Variants in FMN2 observed in about 807,000 individuals in gnomAD.
FMN2 encodes formin-2.
FMN2 carries 51 observed loss-of-function variants against 142.3 expected under a neutral mutation model. The observed-to-expected ratio is 0.36, with a 90% CI of 0.29 to 0.45. The LOEUF (loss-of-function observed/expected upper bound fraction) is 0.45, where lower values mean the gene tolerates loss of function less well. FMN2 is among the 20% of genes least tolerant of loss of function. The probability of loss-of-function intolerance (pLI) is 1.00; values close to 1 mark genes in which losing one functional copy is unlikely to be tolerated. For missense variants in FMN2, 1,936 were observed against 2,122.8 expected (o/e 0.91, Z 1.73); for synonymous variants, 882 against 869.8 (o/e 1.01, Z -0.25).
At chr1:240,465,619 T>C (rs945954797) in intron 16 of FMN2, among the ~76,000 whole-genome samples, 1 of 152,102 alleles carries the variant, frequency 6.6e-6, no homozygotes, top group Non-Finnish European at 1.5e-5. Context: ...GGAGATTCCA[T>C]AGGCGAACAG....
At chr1:240,289,164 G>A (rs1274759103) in intron 7 of FMN2, among the ~76,000 whole-genome samples, 2 of 152,132 alleles carry the variant, frequency 1.3e-5, no homozygotes, top group Non-Finnish European at 2.9e-5. Flanking sequence ...GGTCACACAG[G>A]AAAGATTAAA....
chr1:240,309,034 G>A (rs1670508349), intron 8 of FMN2, among the ~76,000 whole-genome samples: 1 of 152,140 alleles, frequency 6.6e-6, no homozygotes, highest in Admixed American at 6.5e-5. Flanking sequence ...GTGAGGGTAT[G>A]AGTGTTAGAA....
chr1:240,143,619 G>A, intron 2 of FMN2: 1 of 1,610,064 alleles, frequency 6.2e-7, no homozygotes, highest in Admixed American at 1.7e-5. Flanking sequence ...TGGCAAAACT[G>A]CGGAATGGCT....
At chr1:240,187,143 G>A (rs1665501451) in intron 3 of FMN2, among the ~76,000 whole-genome samples, 1 of 150,346 alleles carries the variant, frequency 6.7e-6, no homozygotes, top group African/African-American at 2.4e-5. Flanking sequence ...GGTGGCGGGT[G>A]CCTATAATCC....
intron 1 of FMN2, among the ~76,000 whole-genome samples, chr1:240,114,593 C>G (rs956391608): frequency 1.3e-5 from 2 of 150,116 alleles, no homozygotes; most frequent in African/African-American, 4.9e-5. Flanking sequence ...ACTTGCTGTT[C>G]TTTAAGTGAA....
In FMN2 at chr1:240,453,886, G is replaced by A. The variant is rs1239991571; in HGVS notation, c.5060+15676G>A. 3.5e-5 allele frequency among the ~76,000 whole-genome samples: 2 copies of A among 57,328 alleles called. 1 individual carries two copies. The highest frequency in any genetic ancestry group is 1.1e-4 in the African/African-American group (2 of 18,948). The allele number at this position is 57,328 out of a possible 152,430, so 37.6% of individuals were successfully genotyped here. A position where few individuals can be genotyped will look rare whatever the true frequency, so the allele number is the denominator to read the frequency against. ...CGCCTGTAGTCCCAGCTACTCGGGA[G>A]GCTGAGGCAGGAGAATGGCGTGAAC... On this transcript the variant is annotated intron_variant, in intron 16 of 17. Coordinates refer to ENST00000319653, the MANE Select transcript of FMN2 (RefSeq NM_020066.5).
intron 15 of FMN2, among the ~76,000 whole-genome samples, chr1:240,409,625 GTCCTTTCCAGTAAC>G (rs1674331188): frequency 6.6e-6 from 1 of 152,122 alleles, no homozygotes; most frequent in African/African-American, 2.4e-5. Context: ...TGTCTTTTCT[GTCCTTTCCAGTAAC>G]ATATACAGGC....
At chr1:240,125,163 C>G (rs1385131242) in intron 2 of FMN2, among the ~76,000 whole-genome samples, 1 of 152,096 alleles carries the variant, frequency 6.6e-6, no homozygotes, top group Non-Finnish European at 1.5e-5. Flanking sequence ...TCTTCTTTAC[C>G]CATTACAGCC....
chr1:240,453,375 A>T (rs1292956651), intron 16 of FMN2, among the ~76,000 whole-genome samples: 2 of 152,240 alleles, frequency 1.3e-5, no homozygotes, highest in Middle Eastern at 3.4e-3. Flanking sequence ...GCAGTTATTT[A>T]ATCTTAGTGA....
chr1:240,135,406 A>G (rs1662895698), intron 2 of FMN2, among the ~76,000 whole-genome samples: 1 of 152,186 alleles, frequency 6.6e-6, no homozygotes, highest in Non-Finnish European at 1.5e-5. Flanking sequence ...TATGAAGTCA[A>G]TTTATTTCAT....
intron 13 of FMN2, among the ~76,000 whole-genome samples, chr1:240,342,995 T>C (rs1671791166): frequency 6.6e-6 from 1 of 152,238 alleles, no homozygotes; most frequent in African/African-American, 2.4e-5. Context: ...ATTTCAAGCA[T>C]GGGAAAGAGC....
rs563308802 is a variant in FMN2 at position 240,129,755 on chromosome 1, G to C, written c.1782+6410G>C. 3.3e-5 allele frequency among the ~76,000 whole-genome samples: 5 copies of C among 152,090 alleles called. No homozygotes were observed. In the East Asian group the frequency reaches 7.8e-4, roughly 24 times the overall value. On this transcript the variant is annotated intron_variant, in intron 2 of 17. Transcript: ENST00000319653. ...TGACCTCAAGTGATCCACCCCCTCA[G>C]CCTCCCAAAGTGCTGGAATTACAGG...
intron 8 of FMN2, among the ~76,000 whole-genome samples, chr1:240,314,607 A>T (rs12091483): frequency 0.014 from 2,108 of 152,324 alleles, 51 homozygotes; most frequent in African/African-American, 0.047. Flanking sequence ...ATTTTGGAAT[A>T]CTTTCATGTT....
chr1:240,092,333 T>C lies in FMN2; in HGVS notation c.224T>C (p.Phe75Ser). The change falls in exon 1 of 18, where the codon TTT becomes TCT. Residue 75 changes from phenylalanine (F) to serine (S), a missense_variant. This residue lies in a region of FMN2 where 751 missense variants were observed against 791.8 expected (regional missense o/e 0.95). Transcript: ENST00000319653. ...KSKSDSRASV[F>S]SNLRIRKNLS... ...AAGTCCGACTCCAGAGCCTCGGTGT[T>C]TTCCAACCTGCGGATCAGGAAGAAT... The C allele has an allele frequency of 6.2e-7, 1 of 1,608,184 alleles. No individual in the cohort carries two copies. The highest frequency in any genetic ancestry group is 8.5e-7 in the Non-Finnish European group (1 of 1,176,514).
intron 2 of FMN2, among the ~76,000 whole-genome samples, chr1:240,162,005 A>G (rs1245504207): frequency 2.0e-5 from 3 of 151,980 alleles, no homozygotes; most frequent in African/African-American, 7.3e-5. Flanking sequence ...TGTGGCTCAC[A>G]CATGTAATCC....
chr1:240,145,627 A>G (rs1663427679), intron 2 of FMN2, among the ~76,000 whole-genome samples: 1 of 136,820 alleles, frequency 7.3e-6, no homozygotes, highest in Admixed American at 9.0e-5. Flanking sequence ...CTGCAGCTTC[A>G]GACTGTCGAG....
intron 6 of FMN2, among the ~76,000 whole-genome samples, chr1:240,224,772 G>C (rs1046438008): frequency 6.6e-6 from 1 of 152,166 alleles, no homozygotes; most frequent in African/African-American, 2.4e-5. Flanking sequence ...CAGCCAAGGA[G>C]ATGGGAGCTC....
At chr1:240,337,203 C>CTTTTCTTTTT (rs1305027690) in intron 13 of FMN2, among the ~76,000 whole-genome samples, 3 of 90,558 alleles carry the variant, frequency 3.3e-5, no homozygotes, top group African/African-American at 1.1e-4. Context: ...TATTCCTTTT[C>CTTTTCTTTTT]TTTTTTTTTT....
chr1:240,154,020 G>A (rs2103277322), intron 2 of FMN2, among the ~76,000 whole-genome samples: 3 of 145,724 alleles, frequency 2.1e-5, no homozygotes, highest in South Asian at 4.4e-4. Flanking sequence ...GGAGGCAGGA[G>A]AATCTCTTGA....
Sources: allele counts gnomAD v4.1 joint callset (sites outside exome capture counted in the v4.1 genomes callset), GRCh38; gene constraint gnomAD v4.1.1; regional missense constraint gnomAD v4.1.1; transcripts MANE v1.5; gene names NCBI Gene and HGNC (gene_info 2026-07-23, HGNC 2026-07-21).